Variants in AACS observed in about 807,000 individuals in gnomAD.
AACS encodes the protein acetoacetate-CoA ligase.
A neutral mutation model predicts 83.1 loss-of-function variants in AACS; 69 were observed. The observed-to-expected ratio is 0.83, with a 90% CI of 0.68 to 1.01. The LOEUF is 1.01. Ranked by LOEUF, AACS falls within the 50% of genes least tolerant of loss-of-function variation. The pLI is 0.00. For synonymous variants in AACS, 333 were observed against 343.4 expected (o/e 0.97, Z 0.33); for missense variants, 866 against 882.2 (o/e 0.98, Z 0.23).
At chr12:125,087,092 C>T (rs2136067608) in intron 4 of AACS, among the ~76,000 whole-genome samples, 1 of 152,184 alleles carries the variant, frequency 6.6e-6, no homozygotes, top group East Asian at 1.9e-4. Context: ...GGTCTGATCC[C>T]AAAGGCCTCG....
chr12:125,118,341 T>A (rs1003401078), intron 9 of AACS: 5 of 362,900 alleles, frequency 1.4e-5, no homozygotes, highest in African/African-American at 2.1e-5. Context: ...CAGTAGCAAG[T>A]GTGCACCTCC....
intron 8 of AACS, among the ~76,000 whole-genome samples, chr12:125,107,895 G>A (rs567189550): frequency 6.6e-5 from 10 of 152,256 alleles, no homozygotes; most frequent in African/African-American, 1.2e-4. Flanking sequence ...CCCAGGGGGC[G>A]GAGGTTGCAG....
At chr12:125,125,158 G>A (rs1957227288) in intron 12 of AACS, 134 bp downstream of exon 12, 36 of 1,347,326 alleles carry the variant, frequency 2.7e-5, no homozygotes, top group Non-Finnish European at 3.5e-5. Context: ...CCCTTCTCAT[G>A]ATCTGAGGCA....
chr12:125,118,580 G>A, intron 9 of AACS, 61 bp from the exon 10 acceptor site: 2 of 1,593,832 alleles, frequency 1.3e-6, no homozygotes, highest in Admixed American at 1.7e-5. Context: ...GAAGCTGAGG[G>A]GGCAGCGCTG....
intron 1 of AACS, among the ~76,000 whole-genome samples, 156 bp from the exon 2 acceptor site, chr12:125,073,720 G>A (rs149074128): frequency 6.6e-6 from 1 of 152,272 alleles, no homozygotes; most frequent in Non-Finnish European, 1.5e-5. Flanking sequence ...TTGGGTTTGC[G>A]TCAATACAAA....
chr12:125,133,883 C>G (rs985612928), intron 14 of AACS, 120 bp from the exon 15 acceptor site: 8 of 971,198 alleles, frequency 8.2e-6, no homozygotes, highest in East Asian at 5.2e-5. Context: ...CCCCCAGCCC[C>G]ATGCCAGACC....
rs1957519154 is a variant in AACS, at chr12:125,142,678, G to A, written c.*449G>A. On this transcript the variant is annotated 3_prime_UTR_variant, in exon 18 of 18. Transcript: ENST00000316519. Reference sequence around the variant, plus strand: ...CCCTCAGGGTCCAGTATGCCTTTGAGCTTTAGCTGTTAGAAAGGAACCCCC... The same window carrying A: ...CCCTCAGGGTCCAGTATGCCTTTGAACTTTAGCTGTTAGAAAGGAACCCCC... 6.4e-6 allele frequency: 1 copy of A among 155,790 alleles called. No homozygotes were observed. 9.7% of individuals were successfully genotyped at this position (155,790 alleles called of 1,614,324 possible).
rs1280661034 is a variant in AACS at position 125,077,350 on chromosome 12, A to C, written c.358+739A>C. On this transcript the variant is annotated intron_variant, in intron 3 of 17. Transcript: ENST00000316519. ...ATGGTGAAACCCCGTCTCTACTGAA[A>C]ATACAAAATATTAGCCAGGCGTGGT... Among the ~76,000 whole-genome samples the C allele has an allele frequency of 3.9e-5, 6 of 151,956 alleles. No homozygotes were observed. The East Asian group carries it at 1.2e-3, about 29-fold the overall frequency.
intron 2 of AACS, among the ~76,000 whole-genome samples, chr12:125,074,538 C>A (rs927344898): frequency 2.0e-5 from 3 of 151,502 alleles, no homozygotes; most frequent in Non-Finnish European, 2.9e-5. Flanking sequence ...TAGAGCCAGA[C>A]CCTGTCTCAA....
At chr12:125,117,573 G>A (rs780423860) in intron 9 of AACS, 1 of 152,218 alleles carries the variant, frequency 6.6e-6, no homozygotes, top group Non-Finnish European at 1.5e-5. Context: ...TAGCAGCTTT[G>A]TTGGACAATG....
intron 4 of AACS, among the ~76,000 whole-genome samples, chr12:125,090,214 T>A (rs1956445577): frequency 1.4e-5 from 2 of 144,412 alleles, no homozygotes; most frequent in Non-Finnish European, 3.0e-5. Context: ...CCATTATCCA[T>A]CTATCCATCC....
At chr12:125,131,126 G>A (rs1593006629) in intron 14 of AACS, among the ~76,000 whole-genome samples, 1 of 152,184 alleles carries the variant, frequency 6.6e-6, no homozygotes, top group Admixed American at 6.5e-5. Context: ...TAAACAGGCC[G>A]TGTGCTGGTA....
In AACS at chr12:125,142,366, G is replaced by A. The variant is rs181320840; in HGVS notation, c.*137G>A. Reference sequence around the variant, plus strand: ...TGTTCTGTAGGCTTGGGGAGGGATCGTTTCTCTGTTTTGTTAAATCTGGTG... The same window carrying A: ...TGTTCTGTAGGCTTGGGGAGGGATCATTTCTCTGTTTTGTTAAATCTGGTG... On this transcript the variant is annotated 3_prime_UTR_variant, in exon 18 of 18. Coordinates refer to ENST00000316519, the MANE Select transcript of AACS (RefSeq NM_023928.5). The A allele has an allele frequency of 8.2e-5, 103 of 1,253,910 alleles. 1 individual carries two copies. Among genetic ancestry groups the A allele is most frequent in the Non-Finnish European group, 1.0e-4 (96 of 924,288 alleles). 77.7% of individuals were successfully genotyped at this position (1,253,910 alleles called of 1,614,324 possible).
intron 12 of AACS, 23 bp from the exon 13 acceptor site, chr12:125,128,138 T>A: frequency 6.4e-7 from 1 of 1,568,814 alleles, no homozygotes; most frequent in Non-Finnish European, 8.7e-7. Flanking sequence ...AAATTTTGAG[T>A]CTCCCTTTGC....
intron 14 of AACS, among the ~76,000 whole-genome samples, chr12:125,132,571 G>C (rs1957343439): frequency 6.6e-6 from 1 of 151,972 alleles, no homozygotes; most frequent in African/African-American, 2.4e-5. Flanking sequence ...TGCAAGCCTA[G>C]GAGTGGATTT....
intron 5 of AACS, among the ~76,000 whole-genome samples, chr12:125,098,961 A>AG (rs1956667762): frequency 6.6e-6 from 1 of 152,160 alleles, no homozygotes; most frequent in African/African-American, 2.4e-5. Context: ...TGTTCGGCAC[A>AG]GGTGCAGGTG....
chr12:125,117,139 C>T (rs1409057442), intron 9 of AACS, among the ~76,000 whole-genome samples: 5 of 151,954 alleles, frequency 3.3e-5, no homozygotes, highest in East Asian at 1.9e-4. Context: ...AGTCCAGGCA[C>T]GGTGGCTCAC....
At chr12:125,091,844 T>C (rs999796797) in intron 5 of AACS, among the ~76,000 whole-genome samples, 1 of 152,100 alleles carries the variant, frequency 6.6e-6, no homozygotes, top group African/African-American at 2.4e-5. Context: ...CCACGTGAGG[T>C]TTGCTAAGTG....
chr12:125,099,971 C>T lies in AACS; in HGVS notation c.571-2708C>T, dbSNP rs1455361227. ...GATTACAGGCGTGAGCCACTGTGCC[C>T]GGCCGAAATGCATTTTTTCTTCTTG... is the stretch of plus-strand genomic sequence containing the variant. On this transcript the variant is annotated intron_variant, in intron 5 of 17. Coordinates refer to ENST00000316519, the MANE Select transcript of AACS (RefSeq NM_023928.5). Among the ~76,000 whole-genome samples, 5 of 151,414 alleles carry T rather than the reference C, an allele frequency of 3.3e-5. No homozygotes were observed. The East Asian group carries it at 9.7e-4, about 29-fold the overall frequency.
Sources: allele counts gnomAD v4.1 joint callset (sites outside exome capture counted in the v4.1 genomes callset), GRCh38; gene constraint gnomAD v4.1.1; transcripts MANE v1.5; gene names NCBI Gene and HGNC (gene_info 2026-07-23, HGNC 2026-07-21).